BTBD3: variants seen among roughly 807,000 people sequenced by gnomAD.
BTBD3 encodes BTB domain containing 3, also known as BTB/POZ domain-containing protein 3.
In BTBD3, 14 loss-of-function variants were observed where a neutral mutation model predicts 41.6. That is an observed-to-expected ratio of 0.34 (90% CI 0.22 to 0.53). The LOEUF (loss-of-function observed/expected upper bound fraction) is 0.53, where lower values mean the gene tolerates loss of function less well. Ranked by LOEUF, BTBD3 falls within the 20% of genes least tolerant of loss-of-function variation. BTBD3 has a pLI of 0.95. For synonymous variants in BTBD3, 249 were observed against 233.7 expected (o/e 1.07, Z -0.60); for missense variants, 426 against 654.7 (o/e 0.65, Z 3.81).
chr20:11,913,070 T>A (rs977849512), upstream of BTBD3, among the ~76,000 whole-genome samples: 5 of 152,196 alleles, frequency 3.3e-5, no homozygotes, highest in African/African-American at 1.2e-4. Flanking sequence ...TAAACTACTC[T>A]CCTCTGTTAG....
chr20:11,896,772 A>G (rs914700488), intron 1 of BTBD3, among the ~76,000 whole-genome samples: 3 of 152,206 alleles, frequency 2.0e-5, no homozygotes, highest in Admixed American at 6.5e-5. Flanking sequence ...TTTGAGTCCC[A>G]AATATTAAAT....
chr20:11,897,337 G>T (rs1370188958), intron 1 of BTBD3, among the ~76,000 whole-genome samples: 3 of 152,062 alleles, frequency 2.0e-5, no homozygotes, highest in Non-Finnish European at 4.4e-5. Context: ...CAAAATTTCT[G>T]ATCTTTCTCT....
At chr20:11,893,006 C>G (rs1314577459) in intron 1 of BTBD3, among the ~76,000 whole-genome samples, 1 of 151,970 alleles carries the variant, frequency 6.6e-6, no homozygotes, top group African/African-American at 2.4e-5. Flanking sequence ...TCTACACATT[C>G]TCCTACTTCC....
intron 3 of BTBD3, 55 bp downstream of exon 3, chr20:11,919,891 G>A: frequency 6.9e-7 from 1 of 1,450,866 alleles, no homozygotes; most frequent in Non-Finnish European, 9.7e-7. Context: ...TTTGTACCCT[G>A]CTGGTTTCAC....
chr20:11,917,905 C>A lies in BTBD3; in HGVS notation c.-371C>A, dbSNP rs771189900. On this transcript the variant is annotated 5_prime_UTR_variant, in exon 1 of 4. Transcript: ENST00000378226. ...CTCCGATCCATTCACCACACAACTTCAGCCGGCTGAACAGACTCACGCAGC... is the reference window on the plus strand; with the variant it reads ...CTCCGATCCATTCACCACACAACTTAAGCCGGCTGAACAGACTCACGCAGC... 1.2e-4 allele frequency: 119 copies of A among 1,011,752 alleles called. No homozygotes were observed. Among genetic ancestry groups the A allele is most frequent in the Non-Finnish European group, 1.3e-4 (112 of 845,644 alleles). 62.7% of individuals were successfully genotyped at this position (1,011,752 alleles called of 1,614,324 possible). A position where few individuals can be genotyped will look rare whatever the true frequency, so the allele number is the denominator to read the frequency against.
chr20:11,907,611 A>T (rs757939404), intron 1 of BTBD3, among the ~76,000 whole-genome samples: 4 of 152,240 alleles, frequency 2.6e-5, no homozygotes, highest in South Asian at 4.1e-4. Flanking sequence ...GTGAGAAAGT[A>T]CTGCATTTGG....
intron 1 of BTBD3, chr20:11,910,055 T>C (rs1338616759): frequency 6.6e-6 from 1 of 152,126 alleles, no homozygotes; most frequent in Non-Finnish European, 1.5e-5. Flanking sequence ...ATGTAGAATA[T>C]CTGGTGATTT....
At chr20:11,891,818 A>T (rs1044381686) in intron 1 of BTBD3, among the ~76,000 whole-genome samples, 10 of 152,148 alleles carry the variant, frequency 6.6e-5, no homozygotes, top group Non-Finnish European at 1.5e-4. Flanking sequence ...CAAAAGACCA[A>T]GGGAGATCAC....
At chr20:11,916,423 G>A (rs1354610531), upstream of BTBD3, among the ~76,000 whole-genome samples, 1 of 152,200 alleles carries the variant, frequency 6.6e-6, no homozygotes, top group Non-Finnish European at 1.5e-5. Context: ...CTGTATGTGT[G>A]TGTTCTGCTG....
chr20:11,925,955 G>T lies in BTBD3; in HGVS notation c.*2289G>T, dbSNP rs1174372856. 2.6e-5 allele frequency: 4 copies of T among 152,120 alleles called. No homozygotes were observed. Among genetic ancestry groups the T allele is most frequent in the Non-Finnish European group, 4.4e-5 (3 of 68,018 alleles). The allele number at this position is 152,120 out of a possible 1,614,324, so 9.4% of individuals were successfully genotyped here. A position where few individuals can be genotyped will look rare whatever the true frequency, so the allele number is the denominator to read the frequency against. On this transcript the variant is annotated 3_prime_UTR_variant, in exon 4 of 4. Transcript: ENST00000378226. ...TTACTTTAAAACATATCTACCATCTGATTGGCTGGTACCGAGAGCTGTGGG... is the reference window on the plus strand; with the variant it reads ...TTACTTTAAAACATATCTACCATCTTATTGGCTGGTACCGAGAGCTGTGGG...
Position 11,923,765 on chromosome 20 carries a change from A to T in BTBD3, c.*99A>T. The T allele has an allele frequency of 8.4e-7, 1 of 1,186,480 alleles. No homozygotes were observed. The highest frequency in any genetic ancestry group is 1.2e-6 in the Non-Finnish European group (1 of 844,256). The allele number at this position is 1,186,480 out of a possible 1,614,324, so 73.5% of individuals were successfully genotyped here. On this transcript the variant is annotated 3_prime_UTR_variant, in exon 4 of 4. Coordinates refer to ENST00000378226, the MANE Select transcript of BTBD3 (RefSeq NM_014962.4). The surrounding 1 kb of genome is among the most constrained non-coding windows in gnomAD (Gnocchi z 5.3). ...TGCAAATATGTGATCAGTGCCGGTA[A>T]TTTGTAATGAATGAAGCGGTAGGCA...
chr20:11,916,392 A>G (rs896420599), upstream of BTBD3, among the ~76,000 whole-genome samples: 10 of 152,212 alleles, frequency 6.6e-5, no homozygotes, highest in African/African-American at 2.2e-4. Context: ...TAAAGTGTGT[A>G]TGAAGATGAT....
chr20:11,891,182 G>C (rs997473834), intron 1 of BTBD3: 27 of 164,176 alleles, frequency 1.6e-4, no homozygotes, highest in East Asian at 7.8e-4. Flanking sequence ...TTCCGAGGGG[G>C]GGGGGGTCCC....
intron 1 of BTBD3, among the ~76,000 whole-genome samples, chr20:11,900,787 A>G (rs991189826): frequency 6.6e-6 from 1 of 150,412 alleles, no homozygotes; most frequent in African/African-American, 2.5e-5. Flanking sequence ...GACTCACTGC[A>G]AGCTCTGCCT....
At chr20:11,921,803 A>G (rs1381803875) in intron 3 of BTBD3, 1 of 152,198 alleles carries the variant, frequency 6.6e-6, no homozygotes, top group Non-Finnish European at 1.5e-5. Flanking sequence ...ACTCAAGATA[A>G]AGTAGCTGTA....
At chr20:11,898,190 A>G (rs2056800176) in intron 1 of BTBD3, among the ~76,000 whole-genome samples, 1 of 152,056 alleles carries the variant, frequency 6.6e-6, no homozygotes, top group Non-Finnish European at 1.5e-5. Context: ...AAAATTAAAA[A>G]GCCCTACATG....
intron 1 of BTBD3, among the ~76,000 whole-genome samples, chr20:11,904,395 C>G (rs1026379078): frequency 2.6e-5 from 4 of 152,308 alleles, no homozygotes; most frequent in African/African-American, 9.6e-5. Context: ...ATGATCCAGT[C>G]ACCTCCCACC....
intron 1 of BTBD3, chr20:11,918,849 CT>C: frequency 1.8e-6 from 1 of 566,296 alleles, no homozygotes; most frequent in Non-Finnish European, 3.0e-6. Context: ...AAATGGGAAC[CT>C]TTTATTTGTC....
chr20:11,923,098 C>T lies in BTBD3; in HGVS notation c.1001C>T (p.Ala334Val), dbSNP rs2056985264. Residue 334 changes from alanine (A) to valine (V), a missense_variant, in exon 4 of 4, where the codon GCT (alanine) becomes GTT (valine). Around this residue, in one of 3 missense-constraint regions of BTBD3, gnomAD observed 321 missense variants for 534.8 expected, o/e 0.60. Transcript: ENST00000378226. This position sits in a 1 kb window ranked among gnomAD's most constrained non-coding sequence, Gnocchi z 5.3. ...TMALDDFANG[A>V]AQSGVLTLNE... is the part of the protein sequence containing the mutation. ...GCCCTCGATGATTTTGCAAATGGTG[C>T]TGCACAGTCCGGGGTATTAACTCTC... is the stretch of plus-strand genomic sequence containing the variant. The T allele has an allele frequency of 3.1e-6, 5 of 1,614,060 alleles. No homozygotes were observed. Among genetic ancestry groups the T allele is most frequent in the Non-Finnish European group, 2.5e-6 (3 of 1,180,050 alleles).
Sources: gnomAD v4.1 joint callset for allele counts (sites outside exome capture counted in the v4.1 genomes callset) on GRCh38, gnomAD v4.1.1 for gene constraint, gnomAD v4.1.1 regional missense constraint, Gnocchi (gnomAD v3.1) non-coding constraint, MANE v1.5 for transcripts, NCBI Gene and HGNC (gene_info 2026-07-23, HGNC 2026-07-21) for gene names.